The following DENND5B variants were observed in gnomAD, a reference collection of about 807,000 sequenced individuals.
DENND5B encodes DENN domain containing 5B, also known as DENN domain-containing protein 5B.
A neutral mutation model predicts 140.6 loss-of-function variants in DENND5B; 34 were observed. The ratio of observed to expected loss-of-function variants is 0.24; its 90% CI spans 0.18 to 0.32. The LOEUF is 0.32. Among genes scored for constraint, DENND5B ranks in the 10% least tolerant of loss-of-function variants. DENND5B has a pLI of 1.00. For missense variants in DENND5B, 1,142 were observed against 1,560.2 expected, an observed-to-expected ratio of 0.73 and a Z score of 4.52; for synonymous variants, 551 against 562.1, an observed-to-expected ratio of 0.98 and a Z score of 0.28.
chr12:31,568,042 C>T (rs1248620910), intron 1 of DENND5B, among the ~76,000 whole-genome samples: 1 of 152,096 alleles, frequency 6.6e-6, no homozygotes, highest in African/African-American at 2.4e-5. Context: ...TATAGTCTAG[C>T]ATTCAACAAG....
chr12:31,544,139 G>A (rs1948775540), intron 1 of DENND5B, among the ~76,000 whole-genome samples: 1 of 152,098 alleles, frequency 6.6e-6, no homozygotes, highest in African/African-American at 2.4e-5. Flanking sequence ...ACTCCAGCCT[G>A]GGCAACAGAG....
chr12:31,434,175 G>C (rs1302377756), intron 7 of DENND5B, among the ~76,000 whole-genome samples: 1 of 152,128 alleles, frequency 6.6e-6, no homozygotes, highest in Non-Finnish European at 1.5e-5. Flanking sequence ...ATCAAAATAT[G>C]CAGGACAAAT....
At chr12:31,506,561 A>C (rs1947209347) in intron 1 of DENND5B, among the ~76,000 whole-genome samples, 1 of 152,198 alleles carries the variant, frequency 6.6e-6, no homozygotes, top group Non-Finnish European at 1.5e-5. Context: ...GTACGCTCCC[A>C]AATAGGCGTG....
intron 12 of DENND5B, among the ~76,000 whole-genome samples, chr12:31,413,918 A>C (rs1351525264): frequency 6.6e-6 from 1 of 152,208 alleles, no homozygotes; most frequent in East Asian, 1.9e-4. Context: ...CAGGGTGAAT[A>C]CTCAAGTTTC....
At chr12:31,508,940 A>G (rs1591950508) in intron 1 of DENND5B, among the ~76,000 whole-genome samples, 1 of 152,130 alleles carries the variant, frequency 6.6e-6, no homozygotes, top group African/African-American at 2.4e-5. Context: ...AAGTCAAGTC[A>G]CCTTTGGGGG....
chr12:31,433,747 C>T (rs965467711), intron 7 of DENND5B, among the ~76,000 whole-genome samples: 1 of 152,158 alleles, frequency 6.6e-6, no homozygotes, highest in Admixed American at 6.5e-5. Flanking sequence ...TTCTATCCAA[C>T]TTGACTAGTT....
At chr12:31,466,596 G>C (rs1945278512) in intron 3 of DENND5B, among the ~76,000 whole-genome samples, 1 of 151,648 alleles carries the variant, frequency 6.6e-6, no homozygotes, top group African/African-American at 2.4e-5. Flanking sequence ...AGGAGGCTGA[G>C]ACAGGAGAAT....
At chr12:31,452,680 T>C (rs1350798537) in intron 4 of DENND5B, among the ~76,000 whole-genome samples, 2 of 152,146 alleles carry the variant, frequency 1.3e-5, no homozygotes, top group African/African-American at 2.4e-5. Flanking sequence ...AAAAAATTCT[T>C]GCCAACTATT....
At chr12:31,529,467 C>T (rs769026218) in intron 1 of DENND5B, among the ~76,000 whole-genome samples, 3 of 152,042 alleles carry the variant, frequency 2.0e-5, no homozygotes, top group Non-Finnish European at 2.9e-5. Context: ...AAACTTAGAA[C>T]CAATATTCCA....
chr12:31,542,337 TAGA>T (rs1274718199), intron 1 of DENND5B, among the ~76,000 whole-genome samples: 15 of 143,998 alleles, frequency 1.0e-4, no homozygotes, highest in African/African-American at 2.8e-4. Flanking sequence ...ACATAGAAAG[TAGA>T]AGGATAGTTA....
chr12:31,468,402 C>T (rs2138370863), intron 3 of DENND5B, among the ~76,000 whole-genome samples: 1 of 151,272 alleles, frequency 6.6e-6, no homozygotes. Flanking sequence ...GTTTAATAAG[C>T]CCAAAAAAAG....
chr12:31,417,785 T>A (rs1206632602), intron 11 of DENND5B, among the ~76,000 whole-genome samples: 1 of 152,148 alleles, frequency 6.6e-6, no homozygotes, highest in African/African-American at 2.4e-5. Flanking sequence ...TATCTTCCCA[T>A]CTATAAATAA....
chr12:31,437,185 C>G (rs938690202), intron 7 of DENND5B, among the ~76,000 whole-genome samples: 5 of 151,344 alleles, frequency 3.3e-5, no homozygotes, highest in African/African-American at 1.2e-4. Flanking sequence ...CTCTGTCGTC[C>G]AGGCTGGAAT....
At chr12:31,472,116 T>G (rs1945588905) in intron 3 of DENND5B, among the ~76,000 whole-genome samples, 1 of 152,210 alleles carries the variant, frequency 6.6e-6, no homozygotes, top group African/African-American at 2.4e-5. Flanking sequence ...GTAACTTTAC[T>G]GCTTCAAAAT....
chr12:31,405,511 C>CATGTATGTATGT lies in DENND5B; in HGVS notation c.2804-2880_2804-2869dup, dbSNP rs55808642. 3.5e-3 allele frequency among the ~76,000 whole-genome samples: 503 copies of CATGTATGTATGT among 144,698 alleles called. 1 individual carries two copies. Among genetic ancestry groups the CATGTATGTATGT allele is most frequent in the East Asian group, 0.026 (125 of 4,762 alleles). The allele number at this position is 144,698 out of a possible 152,430, so 94.9% of individuals were successfully genotyped here. A position where few individuals can be genotyped will look rare whatever the true frequency, so the allele number is the denominator to read the frequency against. ...AAGACTACCGGCATGAGCCACCTGCCATGTATGTATGTATGTATGTATGTA... is the reference window on the plus strand; with the variant it reads ...AAGACTACCGGCATGAGCCACCTGCCATGTATGTATGTATGTATGTATGTATGTATGTATGTA... On this transcript the variant is annotated intron_variant, in intron 14 of 20. Transcript: ENST00000389082.
intron 5 of DENND5B, among the ~76,000 whole-genome samples, chr12:31,449,468 G>C (rs892003497): frequency 6.6e-6 from 1 of 152,092 alleles, no homozygotes; most frequent in Non-Finnish European, 1.5e-5. Flanking sequence ...TTGATATTCA[G>C]ACCCTCATAA....
intron 17 of DENND5B, among the ~76,000 whole-genome samples, chr12:31,396,053 C>CTTTTTT (rs1941443953): frequency 1.2e-4 from 12 of 102,858 alleles, no homozygotes; most frequent in Non-Finnish European, 1.2e-4. Flanking sequence ...GTTGGCATTC[C>CTTTTTT]TTGTTTTTTT....
At chr12:31,536,061 G>A in intron 1 of DENND5B, among the ~76,000 whole-genome samples, 1 of 152,136 alleles carries the variant, frequency 6.6e-6, no homozygotes, top group South Asian at 2.1e-4. Context: ...TCTTCCTCCT[G>A]CTTCTAATCA....
intron 6 of DENND5B, among the ~76,000 whole-genome samples, chr12:31,445,102 T>TC (rs1314338054): frequency 6.6e-6 from 1 of 152,102 alleles, no homozygotes; most frequent in Non-Finnish European, 1.5e-5. Context: ...GTCAAATAAC[T>TC]CCAACATTTG....
Sources: gnomAD v4.1 joint callset for allele counts (sites outside exome capture counted in the v4.1 genomes callset) on GRCh38, gnomAD v4.1.1 for gene constraint, MANE v1.5 for transcripts, NCBI Gene and HGNC (gene_info 2026-07-23, HGNC 2026-07-21) for gene names.